Variants in DOCK4 observed in about 807,000 individuals in gnomAD.
DOCK4 encodes the protein dedicator of cytokinesis protein 4.
A neutral mutation model predicts 268.1 loss-of-function variants in DOCK4; 97 were observed. That is an observed-to-expected ratio of 0.36 (90% confidence interval 0.31 to 0.43). The LOEUF (loss-of-function observed/expected upper bound fraction) is 0.43, where lower values mean the gene tolerates loss of function less well. Among genes scored for constraint, DOCK4 ranks in the 20% least tolerant of loss-of-function variants. The pLI is 1.00. For missense variants in DOCK4, 2,145 were observed against 2,455.7 expected, an observed-to-expected ratio of 0.87 and a Z score of 2.67; for synonymous variants, 954 against 887.2, an observed-to-expected ratio of 1.08 and a Z score of -1.34.
At chr7:111,770,860 G>C (rs1798084750) in intron 36 of DOCK4, among the ~76,000 whole-genome samples, 1 of 152,176 alleles carries the variant, frequency 6.6e-6, no homozygotes, top group Non-Finnish European at 1.5e-5. Flanking sequence ...AATATGCTGA[G>C]TTATAATGCT....
intron 1 of DOCK4, among the ~76,000 whole-genome samples, chr7:112,004,497 A>C (rs1800695195): frequency 6.6e-6 from 1 of 152,182 alleles, no homozygotes; most frequent in East Asian, 1.9e-4. Flanking sequence ...GGCCCATAGT[A>C]GTTAATAAAT....
At chr7:112,020,647 T>TGGCTTTC (rs1802234001) in intron 1 of DOCK4, among the ~76,000 whole-genome samples, 1 of 148,364 alleles carries the variant, frequency 6.7e-6, no homozygotes, top group African/African-American at 2.5e-5. Flanking sequence ...AAAACTGACT[T>TGGCTTTC]GGCTTTCTAT....
At chr7:111,815,912 C>A (rs534837256) in intron 27 of DOCK4, among the ~76,000 whole-genome samples, 57 of 152,236 alleles carry the variant, frequency 3.7e-4, no homozygotes, top group African/African-American at 1.2e-3. Context: ...CTTAAGTGAT[C>A]TGCCCGCCTC....
At position 111,981,026 on chromosome 7, in the gene DOCK4, G is replaced by A. The variant is rs369287247; in HGVS notation, c.549+3280C>T. ...ACTGCTTAAATGAACACAATTAGGTGAGAAAGATCTGCTAACAGGGCTATC... is the reference window on the plus strand; with the variant it reads ...ACTGCTTAAATGAACACAATTAGGTAAGAAAGATCTGCTAACAGGGCTATC... On this transcript the variant is annotated intron_variant, in intron 7 of 52. Transcript: ENST00000428084. Among the ~76,000 whole-genome samples, 32 of 152,314 alleles carry A rather than the reference G, an allele frequency of 2.1e-4. No individual in the cohort carries two copies. The South Asian group carries it at 6.6e-3, about 32-fold the overall frequency.
chr7:111,826,198 G>A (rs190527703), intron 26 of DOCK4, among the ~76,000 whole-genome samples: 1 of 152,284 alleles, frequency 6.6e-6, no homozygotes, highest in East Asian at 1.9e-4. Context: ...TCCACACAGA[G>A]GGAACAACAC....
intron 1 of DOCK4, among the ~76,000 whole-genome samples, chr7:112,121,727 A>G (rs894693409): frequency 6.6e-6 from 1 of 152,184 alleles, no homozygotes; most frequent in Non-Finnish European, 1.5e-5. Flanking sequence ...ATGGACCAAC[A>G]TACAGATATT....
chr7:112,095,559 G>A (rs1037989735), intron 1 of DOCK4, among the ~76,000 whole-genome samples: 7 of 152,000 alleles, frequency 4.6e-5, no homozygotes, highest in Non-Finnish European at 8.8e-5. Context: ...TAATTGTTGT[G>A]GTGATAACTC....
At chr7:112,068,858 T>C (rs773936172) in intron 1 of DOCK4, among the ~76,000 whole-genome samples, 9 of 152,162 alleles carry the variant, frequency 5.9e-5, no homozygotes, top group Non-Finnish European at 7.3e-5. Flanking sequence ...TCTCTTCTGA[T>C]TGTCCCCAAG....
At chr7:112,011,131 G>A (rs923567100) in intron 1 of DOCK4, among the ~76,000 whole-genome samples, 27 of 152,324 alleles carry the variant, frequency 1.8e-4, no homozygotes, top group African/African-American at 5.1e-4. Context: ...TGAAGGCTGG[G>A]CCTTGGCACT....
In DOCK4 at chr7:111,726,781, A is replaced by G. The variant is rs1475116842; in HGVS notation, c.*1493T>C. Reference sequence around the variant, plus strand: ...TTTGCGTTTATTTTTACTTTTTTTTACACATAATGGTATCTCTTATTAAAA... The same window carrying G: ...TTTGCGTTTATTTTTACTTTTTTTTGCACATAATGGTATCTCTTATTAAAA... On this transcript the variant is annotated 3_prime_UTR_variant, in exon 53 of 53. Transcript: ENST00000428084. 1.3e-5 allele frequency: 2 copies of G among 152,572 alleles called. No homozygotes were observed. Among genetic ancestry groups the G allele is most frequent in the Non-Finnish European group, 2.9e-5 (2 of 68,010 alleles). The allele number at this position is 152,572 out of a possible 1,614,324, so 9.5% of individuals were successfully genotyped here.
At chr7:112,079,422 A>T (rs1308994297) in intron 1 of DOCK4, among the ~76,000 whole-genome samples, 1 of 152,162 alleles carries the variant, frequency 6.6e-6, no homozygotes, top group Non-Finnish European at 1.5e-5. Flanking sequence ...ATGGGTCACT[A>T]TTGGCAATAT....
In DOCK4 at chr7:111,739,256, G is replaced by GGAGAGA; in HGVS notation, c.5123-19_5123-14dup. Reference sequence around the variant, plus strand: ...AACAAAGGAGAAGCTGGGAAGAGAAGGAGAGAGAGGATCATCAGCATGGTA... The same window carrying GGAGAGA: ...AACAAAGGAGAAGCTGGGAAGAGAAGGAGAGAGAGAGAGAGGATCATCAGCATGGTA... On this transcript the variant is annotated splice_polypyrimidine_tract_variant and intron_variant, in intron 48 of 52. Transcript: ENST00000428084. The GGAGAGA allele has an allele frequency of 6.2e-7, 1 of 1,610,008 alleles. No individual in the cohort carries two copies. Among genetic ancestry groups the GGAGAGA allele is most frequent in the African/African-American group, 1.3e-5 (1 of 74,972 alleles).
intron 5 of DOCK4, among the ~76,000 whole-genome samples, chr7:111,990,149 A>G (rs1222488956): frequency 6.6e-6 from 1 of 152,204 alleles, no homozygotes; most frequent in Non-Finnish European, 1.5e-5. Context: ...AACTCTGAGA[A>G]TGATGCCTGG....
intron 2 of DOCK4, among the ~76,000 whole-genome samples, chr7:112,001,228 C>G (rs760767610): frequency 6.6e-6 from 1 of 152,166 alleles, no homozygotes; most frequent in Non-Finnish European, 1.5e-5. Flanking sequence ...TCACTTTCCA[C>G]GGTTTCAGTT....
At chr7:112,013,263 C>A (rs890812613) in intron 1 of DOCK4, among the ~76,000 whole-genome samples, 1 of 152,172 alleles carries the variant, frequency 6.6e-6, no homozygotes, top group African/African-American at 2.4e-5. Flanking sequence ...TAGATTATTA[C>A]CTACAAATTG....
intron 1 of DOCK4, among the ~76,000 whole-genome samples, chr7:112,194,688 T>C (rs1435682454): frequency 6.6e-6 from 1 of 152,226 alleles, no homozygotes; most frequent in Non-Finnish European, 1.5e-5. Context: ...AAAAGAAATG[T>C]ATGCTAATTT....
chr7:112,118,352 T>C (rs573740153), intron 1 of DOCK4, among the ~76,000 whole-genome samples: 2 of 152,252 alleles, frequency 1.3e-5, no homozygotes, highest in South Asian at 2.1e-4. Context: ...CAAGATTTAA[T>C]TGAACTGCTT....
intron 6 of DOCK4, among the ~76,000 whole-genome samples, chr7:111,988,705 AAC>A (rs1465126021): frequency 6.6e-6 from 1 of 152,206 alleles, no homozygotes; most frequent in Non-Finnish European, 1.5e-5. Flanking sequence ...CCTATTTGAG[AAC>A]AAGATCCATT....
At chr7:111,944,517 CA>C (rs1259169305) in intron 10 of DOCK4, among the ~76,000 whole-genome samples, 1 of 152,136 alleles carries the variant, frequency 6.6e-6, no homozygotes. Flanking sequence ...GAGACAAACA[CA>C]GAATTTTTGA....
Sources: allele counts gnomAD v4.1 joint callset (sites outside exome capture counted in the v4.1 genomes callset), GRCh38; gene constraint gnomAD v4.1.1; transcripts MANE v1.5; gene names NCBI Gene and HGNC (gene_info 2026-07-23, HGNC 2026-07-21).